FGF10: variants seen among roughly 807,000 people sequenced by gnomAD.
FGF10 encodes the protein FGF-10.
Under a neutral mutation model 19.8 loss-of-function variants are expected in FGF10, and 2 were observed. That is an observed-to-expected ratio of 0.10 (90% CI 0.04 to 0.32). The LOEUF (loss-of-function observed/expected upper bound fraction) is 0.32. FGF10 is among the 10% of genes least tolerant of loss of function. The pLI is 1.00. For missense variants in FGF10, 191 were observed against 246.3 expected, an observed-to-expected ratio of 0.78 and a Z score of 1.50; for synonymous variants, 112 against 94.0, an observed-to-expected ratio of 1.19 and a Z score of -1.10.
intron 1 of FGF10, among the ~76,000 whole-genome samples, chr5:44,319,608 C>T (rs145829498): frequency 1.3e-5 from 2 of 152,220 alleles, no homozygotes; most frequent in African/African-American, 4.8e-5. Flanking sequence ...GTAAATTTGA[C>T]AAGCTTCCAA....
intron 1 of FGF10, among the ~76,000 whole-genome samples, chr5:44,360,064 G>T (rs1398583386): frequency 6.6e-6 from 1 of 151,398 alleles, no homozygotes; most frequent in Non-Finnish European, 1.5e-5. Context: ...CTGAAAAACA[G>T]AAACAAATTT....
intron 1 of FGF10, among the ~76,000 whole-genome samples, chr5:44,356,916 A>G (rs1741359158): frequency 6.6e-6 from 1 of 151,330 alleles, no homozygotes; most frequent in Non-Finnish European, 1.5e-5. Flanking sequence ...AGAGAAAAGA[A>G]TTACACACTT....
intron 2 of FGF10, among the ~76,000 whole-genome samples, chr5:44,306,115 G>T (rs1740070223): frequency 6.6e-6 from 1 of 152,138 alleles, no homozygotes; most frequent in South Asian, 2.1e-4. Context: ...GGCTTTAGAA[G>T]TAGCCTCCGC....
chr5:44,320,696 A>T (rs1740465623), intron 1 of FGF10, among the ~76,000 whole-genome samples: 1 of 146,028 alleles, frequency 6.8e-6, no homozygotes, highest in South Asian at 2.3e-4. Flanking sequence ...GTCAAGTTCA[A>T]GTCTTTGGAG....
At chr5:44,318,340 A>G (rs1014159488) in intron 1 of FGF10, among the ~76,000 whole-genome samples, 7 of 152,184 alleles carry the variant, frequency 4.6e-5, no homozygotes, top group African/African-American at 1.4e-4. Flanking sequence ...ACATATTTCT[A>G]TATAAAGTTT....
At chr5:44,342,286 C>T (rs557846028) in intron 1 of FGF10, among the ~76,000 whole-genome samples, 2 of 152,036 alleles carry the variant, frequency 1.3e-5, no homozygotes, top group South Asian at 2.1e-4. Context: ...CACACTCCAG[C>T]ATCTAGACCT....
At chr5:44,379,040 C>A (rs113213788) in intron 1 of FGF10, among the ~76,000 whole-genome samples, 2 of 152,138 alleles carry the variant, frequency 1.3e-5, no homozygotes, top group African/African-American at 4.8e-5. Context: ...CTTTGCAGTT[C>A]CCTTCTCACC....
At chr5:44,361,369 C>T (rs912037606) in intron 1 of FGF10, among the ~76,000 whole-genome samples, 2 of 151,646 alleles carry the variant, frequency 1.3e-5, no homozygotes, top group Non-Finnish European at 3.0e-5. Flanking sequence ...TTGAAGGCCA[C>T]TCAAGGGGTC....
chr5:44,325,892 A>AGTCTCT (rs1740604441), intron 1 of FGF10, among the ~76,000 whole-genome samples: 1 of 152,206 alleles, frequency 6.6e-6, no homozygotes, highest in Admixed American at 6.5e-5. Flanking sequence ...AAAAAAAAGA[A>AGTCTCT]AAGATATATT....
intron 1 of FGF10, among the ~76,000 whole-genome samples, chr5:44,380,459 T>C (rs914437246): frequency 3.3e-5 from 5 of 152,206 alleles, no homozygotes; most frequent in Non-Finnish European, 4.4e-5. Context: ...AAGGCATACG[T>C]ATTTCTATAT....
intron 1 of FGF10, among the ~76,000 whole-genome samples, chr5:44,353,756 C>T (rs1449412421): frequency 6.6e-6 from 1 of 150,814 alleles, no homozygotes; most frequent in African/African-American, 2.4e-5. Context: ...TCTACTAAGC[C>T]ATCAATGGGA....
rs1274709401 is a variant in FGF10, at chr5:44,304,394, G to A, written c.*601C>T. The A allele has an allele frequency of 6.5e-6, 1 of 152,840 alleles. No homozygotes were observed. Among genetic ancestry groups the A allele is most frequent in the African/African-American group, 2.4e-5 (1 of 41,440 alleles). The allele number at this position is 152,840 out of a possible 1,614,324, so 9.5% of individuals were successfully genotyped here. On this transcript the variant is annotated 3_prime_UTR_variant, in exon 3 of 3. Transcript: ENST00000264664. ...TTAGAAAGAAATAGAAAGGGATGAAGGCAGAATGCACAAGCATACCATACT... is the reference window on the plus strand; with the variant it reads ...TTAGAAAGAAATAGAAAGGGATGAAAGCAGAATGCACAAGCATACCATACT...
chr5:44,334,764 A>G lies in FGF10; in HGVS notation c.326-24234T>C, dbSNP rs879610634. On this transcript the variant is annotated intron_variant, in intron 1 of 2. Coordinates refer to ENST00000264664, the MANE Select transcript of FGF10 (RefSeq NM_004465.2). Reference sequence around the variant, plus strand: ...TATTGCAGAGTAGTTACCACCTGATATGGTAATGCCTAGCGAAAGCTGGTG... The same window carrying G: ...TATTGCAGAGTAGTTACCACCTGATGTGGTAATGCCTAGCGAAAGCTGGTG... Among the ~76,000 whole-genome samples, 46 of 152,192 alleles carry G rather than the reference A, an allele frequency of 3.0e-4. 1 individual carries two copies. The highest frequency in any genetic ancestry group is 3.0e-3 in the Admixed American group (46 of 15,270).
intron 1 of FGF10, among the ~76,000 whole-genome samples, chr5:44,370,020 C>T (rs972847835): frequency 2.6e-5 from 4 of 151,904 alleles, no homozygotes; most frequent in African/African-American, 9.7e-5. Flanking sequence ...CATATTTGCC[C>T]CCCTCCTCCA....
At chr5:44,342,690 T>TA (rs935055219) in intron 1 of FGF10, among the ~76,000 whole-genome samples, 2 of 151,598 alleles carry the variant, frequency 1.3e-5, no homozygotes, top group Non-Finnish European at 3.0e-5. Flanking sequence ...TCATCTACAT[T>TA]AAAAAAAATA....
chr5:44,380,131 T>G (rs534169318), intron 1 of FGF10, among the ~76,000 whole-genome samples: 1 of 152,344 alleles, frequency 6.6e-6, no homozygotes, highest in Non-Finnish European at 1.5e-5. Context: ...AAAGGTATCT[T>G]ACTTTAGACT....
intron 1 of FGF10, among the ~76,000 whole-genome samples, 181 bp downstream of exon 1, chr5:44,388,177 C>A (rs1255729869): frequency 6.8e-5 from 10 of 146,302 alleles, no homozygotes; most frequent in African/African-American, 2.3e-4. Flanking sequence ...GGAGGGGATG[C>A]GGCAGCACAA....
chr5:44,306,895 A>G (rs926083552), intron 2 of FGF10, among the ~76,000 whole-genome samples: 1 of 152,234 alleles, frequency 6.6e-6, no homozygotes, highest in African/African-American at 2.4e-5. Context: ...TGAAAGGAAT[A>G]TAAATCCTTA....
chr5:44,323,041 T>C (rs2111733052), intron 1 of FGF10, among the ~76,000 whole-genome samples: 1 of 152,248 alleles, frequency 6.6e-6, no homozygotes, highest in African/African-American at 2.4e-5. Context: ...TGGCTTCTGC[T>C]GTAAAGGAGA....
Sources: allele counts gnomAD v4.1 joint callset (sites outside exome capture counted in the v4.1 genomes callset), GRCh38; gene constraint gnomAD v4.1.1; transcripts MANE v1.5; gene names NCBI Gene and HGNC (gene_info 2026-07-23, HGNC 2026-07-21).